CATSPERE: variants seen among roughly 807,000 people sequenced by gnomAD.
CATSPERE encodes the protein catsper channel auxiliary subunit epsilon.
A neutral mutation model predicts 114.1 loss-of-function variants in CATSPERE; 93 were observed. The observed-to-expected ratio is 0.81, with a 90% CI of 0.69 to 0.97. The LOEUF is 0.97. Ranked by LOEUF, CATSPERE falls within the 50% of genes least tolerant of loss-of-function variation. The pLI is 0.00. For missense variants in CATSPERE, 1,058 were observed against 1,131.6 expected, an observed-to-expected ratio of 0.93 and a Z score of 0.93; for synonymous variants, 341 against 384.1, an observed-to-expected ratio of 0.89 and a Z score of 1.31.
intron 20 of CATSPERE, among the ~76,000 whole-genome samples, chr1:244,619,522 C>T (rs1435769757): frequency 6.6e-6 from 1 of 152,110 alleles, no homozygotes; most frequent in Non-Finnish European, 1.5e-5. Flanking sequence ...TATTCAAAGG[C>T]AGCTTTGAAA....
chr1:244,556,309 G>GA (rs147041935), intron 9 of CATSPERE, among the ~76,000 whole-genome samples: 20,180 of 151,516 alleles, frequency 0.13, 2,432 homozygotes, highest in African/African-American at 0.32. Flanking sequence ...AATGAAATAT[G>GA]AAAAAAATTA....
chr1:244,625,406 T>TAATATATATA lies in CATSPERE; in HGVS notation c.2648+7720_2648+7721insAATATATATA, dbSNP rs74162779. The stretch of plus-strand genomic sequence containing the variant: ...TTATTTTTATTATTATTATTATTAT[T>TAATATATATA]TATATATATATATATATATATATAT... On this transcript the variant is annotated intron_variant, in intron 20 of 21. Coordinates refer to ENST00000366534, the MANE Select transcript of CATSPERE (RefSeq NM_001130957.2). 3.9e-4 allele frequency among the ~76,000 whole-genome samples: 5 copies of TAATATATATA among 12,886 alleles called. 2 individuals are homozygous for TAATATATATA. Among genetic ancestry groups the TAATATATATA allele is most frequent in the African/African-American group, 9.1e-4 (3 of 3,302 alleles). 8.5% of individuals were successfully genotyped at this position (12,886 alleles called of 152,430 possible).
intron 8 of CATSPERE, among the ~76,000 whole-genome samples, chr1:244,530,143 T>G (rs2148414728): frequency 6.6e-6 from 1 of 152,272 alleles, no homozygotes; most frequent in African/African-American, 2.4e-5. Flanking sequence ...GAGATGGGGT[T>G]TCCCCATGTT....
intron 1 of CATSPERE, among the ~76,000 whole-genome samples, chr1:244,463,587 C>T (rs1025216283): frequency 1.3e-5 from 2 of 149,532 alleles, no homozygotes; most frequent in Admixed American, 6.7e-5. Context: ...GTTATTCTTA[C>T]TTTAACTCTT....
intron 7 of CATSPERE, among the ~76,000 whole-genome samples, chr1:244,509,997 A>T (rs955260500): frequency 3.9e-5 from 6 of 152,074 alleles, no homozygotes; most frequent in Non-Finnish European, 8.8e-5. Context: ...GTAGCAGTTT[A>T]TCGATTTTAT....
At chr1:244,524,837 C>CT (rs1272431469) in intron 8 of CATSPERE, among the ~76,000 whole-genome samples, 1 of 146,280 alleles carries the variant, frequency 6.8e-6, no homozygotes, top group Non-Finnish European at 1.5e-5. Flanking sequence ...AGTCAGGAAA[C>CT]AACAGGTGCT....
At chr1:244,564,286 A>G (rs1201744896) in intron 10 of CATSPERE, among the ~76,000 whole-genome samples, 1 of 152,162 alleles carries the variant, frequency 6.6e-6, no homozygotes, top group East Asian at 1.9e-4. Flanking sequence ...TAATTCTGTG[A>G]AGAAAGTTAA....
At chr1:244,595,954 G>T (rs1413667131) in intron 17 of CATSPERE, among the ~76,000 whole-genome samples, 1 of 152,106 alleles carries the variant, frequency 6.6e-6, no homozygotes, top group East Asian at 1.9e-4. Flanking sequence ...AAAAAAATTT[G>T]CTTTAGCTAG....
chr1:244,619,877 A>G (rs1558606660), intron 20 of CATSPERE, among the ~76,000 whole-genome samples: 4 of 152,240 alleles, frequency 2.6e-5, no homozygotes, highest in Non-Finnish European at 5.9e-5. Context: ...CAGACAATAC[A>G]TGAGACTAAA....
chr1:244,586,899 C>G (rs1200824661), intron 13 of CATSPERE, among the ~76,000 whole-genome samples: 7 of 152,198 alleles, frequency 4.6e-5, no homozygotes, highest in Admixed American at 4.6e-4. Context: ...AGCCATGACT[C>G]TCTGCCTGGA....
intron 8 of CATSPERE, among the ~76,000 whole-genome samples, chr1:244,547,524 A>G (rs1659939685): frequency 6.6e-6 from 1 of 152,206 alleles, no homozygotes; most frequent in Admixed American, 6.5e-5. Context: ...GGTATATGCA[A>G]TATAAAAAGA....
At chr1:244,512,244 T>C (rs567078001) in intron 7 of CATSPERE, among the ~76,000 whole-genome samples, 1 of 152,346 alleles carries the variant, frequency 6.6e-6, no homozygotes, top group South Asian at 2.1e-4. Flanking sequence ...TTATTCTTTT[T>C]GTTTGTTTGA....
rs73121731 is a variant in CATSPERE, at chr1:244,631,951, A to T, written c.2649-3538A>T. 2.3e-3 allele frequency among the ~76,000 whole-genome samples: 357 copies of T among 152,278 alleles called. 2 individuals are homozygous for T. The highest frequency in any genetic ancestry group is 8.1e-3 in the African/African-American group (335 of 41,566). ...TGACCCAGCAGTCGTACTCATTGGT[A>T]TTCACCCAAATGAGGCTGAGGTGGG... is the stretch of plus-strand genomic sequence containing the variant. On this transcript the variant is annotated intron_variant, in intron 20 of 21. Transcript: ENST00000366534.
intron 7 of CATSPERE, among the ~76,000 whole-genome samples, chr1:244,505,451 A>G (rs1353391716): frequency 6.6e-6 from 1 of 152,206 alleles, no homozygotes; most frequent in African/African-American, 2.4e-5. Flanking sequence ...ATACACACAT[A>G]TCTATAAATT....
chr1:244,530,545 A>T (rs3005939), intron 8 of CATSPERE, among the ~76,000 whole-genome samples: 19,590 of 151,782 alleles, frequency 0.13, 2,200 homozygotes, highest in African/African-American at 0.3. Context: ...TTTTTTTCCT[A>T]TTTCTGTAAA....
At chr1:244,497,465 A>G (rs1186933664) in intron 6 of CATSPERE, among the ~76,000 whole-genome samples, 1 of 152,208 alleles carries the variant, frequency 6.6e-6, no homozygotes, top group Non-Finnish European at 1.5e-5. Flanking sequence ...AAGTTGCTCA[A>G]ACTTTCTCAA....
At chr1:244,539,005 A>AG (rs1680802029) in intron 8 of CATSPERE, among the ~76,000 whole-genome samples, 1 of 152,156 alleles carries the variant, frequency 6.6e-6, no homozygotes, top group African/African-American at 2.4e-5. Flanking sequence ...GCACGTCGCT[A>AG]GCCAGCTTCC....
At chr1:244,489,809 A>G (rs965989366) in intron 5 of CATSPERE, among the ~76,000 whole-genome samples, 5 of 152,088 alleles carry the variant, frequency 3.3e-5, no homozygotes, top group African/African-American at 4.8e-5. Flanking sequence ...TAGCCTTTGG[A>G]ATTCTCAAGC....
At position 244,552,236 on chromosome 1, in the gene CATSPERE, A is replaced by G. The variant is rs188081710; in HGVS notation, c.537-86A>G. 478 of 1,471,824 alleles carry G rather than the reference A, an allele frequency of 3.2e-4. 4 individuals are homozygous for G. Among genetic ancestry groups the G allele is most frequent in the South Asian group, 1.4e-3 (97 of 67,832 alleles). 91.2% of individuals were successfully genotyped at this position (1,471,824 alleles called of 1,614,324 possible). On this transcript the variant is annotated intron_variant, in intron 8 of 21. Coordinates refer to ENST00000366534, the MANE Select transcript of CATSPERE (RefSeq NM_001130957.2). Reference sequence around the variant, plus strand: ...AGATTTGTATTGATAAAAATTAAAAATGTTTTAAAGATGATAGATATCAAC... The same window carrying G: ...AGATTTGTATTGATAAAAATTAAAAGTGTTTTAAAGATGATAGATATCAAC...
Sources: gnomAD v4.1 joint callset for allele counts (sites outside exome capture counted in the v4.1 genomes callset) on GRCh38, gnomAD v4.1.1 for gene constraint, MANE v1.5 for transcripts, NCBI Gene and HGNC (gene_info 2026-07-23, HGNC 2026-07-21) for gene names.